The following CTNNA3 variants were observed in gnomAD, a reference collection of about 807,000 sequenced individuals.
The protein encoded by CTNNA3 is catenin alpha 3.
Under a neutral mutation model 95.7 loss-of-function variants are expected in CTNNA3, and 76 were observed. The observed-to-expected ratio is 0.79, with a 90% CI of 0.66 to 0.96. The LOEUF is 0.96. Ranked by LOEUF, CTNNA3 falls within the 40% of genes least tolerant of loss-of-function variation. The pLI, the probability that CTNNA3 is intolerant of heterozygous loss-of-function variation, is 0.00. For synonymous variants in CTNNA3, 431 were observed against 374.4 expected (o/e 1.15, Z -1.74); for missense variants, 1,191 against 1,089.8 (o/e 1.09, Z -1.31).
chr10:67,394,113 T>TTCTTA (rs921885000), intron 5 of CTNNA3, among the ~76,000 whole-genome samples: 1 of 152,184 alleles, frequency 6.6e-6, no homozygotes, highest in Non-Finnish European at 1.5e-5. Flanking sequence ...TTATGAGTAT[T>TTCTTA]TCTTATCTTT....
At chr10:67,518,228 A>C (rs1199599727) in intron 5 of CTNNA3, among the ~76,000 whole-genome samples, 1 of 152,154 alleles carries the variant, frequency 6.6e-6, no homozygotes, top group Non-Finnish European at 1.5e-5. Context: ...TCAAATGCTA[A>C]ATTGTATGAC....
intron 15 of CTNNA3, among the ~76,000 whole-genome samples, chr10:65,990,266 T>C (rs1005752796): frequency 6.6e-6 from 1 of 152,038 alleles, no homozygotes; most frequent in Non-Finnish European, 1.5e-5. Context: ...TGCTAGATCA[T>C]ACGTTAGTAC....
At chr10:66,485,156 T>C (rs1450954590) in intron 11 of CTNNA3, among the ~76,000 whole-genome samples, 1 of 152,148 alleles carries the variant, frequency 6.6e-6, no homozygotes, top group Non-Finnish European at 1.5e-5. Context: ...AAAGCTTCTC[T>C]TCTATGATCA....
intron 12 of CTNNA3, among the ~76,000 whole-genome samples, chr10:66,347,106 T>C: frequency 6.6e-6 from 1 of 152,026 alleles, no homozygotes; most frequent in East Asian, 1.9e-4. Flanking sequence ...AGATATGGAA[T>C]CATAAAATCA....
intron 9 of CTNNA3, among the ~76,000 whole-genome samples, chr10:66,649,413 C>G (rs1845818999): frequency 6.6e-6 from 1 of 152,082 alleles, no homozygotes; most frequent in African/African-American, 2.4e-5. Context: ...GAAAGACACA[C>G]TGATAAAGGT....
intron 9 of CTNNA3, among the ~76,000 whole-genome samples, chr10:66,741,021 T>A (rs1849310068): frequency 6.6e-6 from 1 of 152,218 alleles, no homozygotes; most frequent in Non-Finnish European, 1.5e-5. Context: ...AATTTTTGTT[T>A]AAACAACCAT....
chr10:66,506,102 G>A (rs1840440699), intron 11 of CTNNA3, among the ~76,000 whole-genome samples: 1 of 151,996 alleles, frequency 6.6e-6, no homozygotes, highest in African/African-American at 2.4e-5. Flanking sequence ...AAGGGTGCGG[G>A]GTGCCAGGCT....
At chr10:66,957,443 CAT>C (rs1266828606) in intron 7 of CTNNA3, among the ~76,000 whole-genome samples, 133 of 22,106 alleles carry the variant, frequency 6.0e-3, no homozygotes, top group Admixed American at 0.01. Flanking sequence ...TATATATATG[CAT>C]ATATATATAT....
intron 1 of CTNNA3, among the ~76,000 whole-genome samples, chr10:67,716,574 C>A (rs926061081): frequency 6.6e-6 from 1 of 152,044 alleles, no homozygotes; most frequent in African/African-American, 2.4e-5. Context: ...ATGCGGTGTT[C>A]GGTTTTCTGT....
At chr10:66,650,729 G>A (rs1185694199) in intron 9 of CTNNA3, among the ~76,000 whole-genome samples, 1 of 152,056 alleles carries the variant, frequency 6.6e-6, no homozygotes, top group African/African-American at 2.4e-5. Flanking sequence ...CTTAAAGGCG[G>A]CGCATCTGGA....
intron 6 of CTNNA3, among the ~76,000 whole-genome samples, chr10:67,208,661 G>C (rs1390086539): frequency 6.6e-6 from 1 of 152,116 alleles, no homozygotes; most frequent in Non-Finnish European, 1.5e-5. Context: ...TCTCTGCCTA[G>C]AAAAGCGTCT....
chr10:66,069,339 T>C lies in CTNNA3; in HGVS notation c.2128A>G (p.Met710Val). 1 of 1,613,600 alleles carries C rather than the reference T, an allele frequency of 6.2e-7. No homozygotes were observed. The highest frequency in any genetic ancestry group is 8.5e-7 in the Non-Finnish European group (1 of 1,179,672). ...AAGTCTGTCATCTCCATCATGATCA[T>C]ACACATGTTCTTGGCCAGAACAATG... ...DIIVLAKNMC[M>V]IMMEMTDFTR... The change falls in exon 15 of 18, where the codon ATG (methionine) becomes GTG (valine). Residue 710 changes from methionine to valine, a missense_variant. Transcript: ENST00000433211.
At chr10:66,898,683 A>T (rs1451556732) in intron 7 of CTNNA3, among the ~76,000 whole-genome samples, 2 of 152,172 alleles carry the variant, frequency 1.3e-5, no homozygotes, top group South Asian at 2.1e-4. Context: ...AACTTACCAC[A>T]CACTAGACAC....
chr10:66,504,236 A>C (rs552098451), intron 11 of CTNNA3, among the ~76,000 whole-genome samples: 2 of 152,092 alleles, frequency 1.3e-5, no homozygotes, highest in African/African-American at 4.8e-5. Flanking sequence ...CTTGGTAACC[A>C]CTATTCTACT....
chr10:65,936,948 T>C (rs945060468), intron 17 of CTNNA3, among the ~76,000 whole-genome samples: 1 of 151,838 alleles, frequency 6.6e-6, no homozygotes, highest in Admixed American at 6.6e-5. Context: ...CCTAATAAAC[T>C]TGTTGACATG....
intron 16 of CTNNA3, among the ~76,000 whole-genome samples, chr10:65,979,007 C>T (rs1824508684): frequency 6.6e-6 from 1 of 151,978 alleles, no homozygotes; most frequent in South Asian, 2.1e-4. Flanking sequence ...CAAGACTGGA[C>T]ATGTTGATTT....
At chr10:65,951,233 A>G (rs2077606230) in intron 17 of CTNNA3, among the ~76,000 whole-genome samples, 1 of 152,200 alleles carries the variant, frequency 6.6e-6, no homozygotes, top group Admixed American at 6.5e-5. Flanking sequence ...GTTGGTACTG[A>G]GAAGAGTAAT....
chr10:67,388,043 G>A (rs1322057654), intron 5 of CTNNA3, among the ~76,000 whole-genome samples: 1 of 151,560 alleles, frequency 6.6e-6, no homozygotes, highest in Non-Finnish European at 1.5e-5. Flanking sequence ...ACCAGCAACG[G>A]AACAAAGCTG....
intron 10 of CTNNA3, among the ~76,000 whole-genome samples, chr10:66,578,983 G>C (rs1195232197): frequency 7.3e-6 from 1 of 136,760 alleles, no homozygotes; most frequent in Non-Finnish European, 1.6e-5. Context: ...TTTTTTTTTT[G>C]GTTGGTAGGC....
Sources: gnomAD v4.1 joint callset for allele counts (sites outside exome capture counted in the v4.1 genomes callset) on GRCh38, gnomAD v4.1.1 for gene constraint, MANE v1.5 for transcripts, NCBI Gene and HGNC (gene_info 2026-07-23, HGNC 2026-07-21) for gene names.